The following CFAP299 variants were observed in gnomAD, a reference collection of about 807,000 sequenced individuals.
The protein encoded by CFAP299 is cilia- and flagella-associated protein 299.
In CFAP299, 21 loss-of-function variants were observed where a neutral mutation model predicts 27.0. The ratio of observed to expected loss-of-function variants is 0.78; its 90% CI spans 0.55 to 1.12. The LOEUF (loss-of-function observed/expected upper bound fraction) is 1.12. Among genes scored for constraint, CFAP299 ranks in the 50% most tolerant of loss-of-function variants. The pLI is 0.00. For missense variants in CFAP299, 310 were observed against 276.6 expected (o/e 1.12, Z -0.86); for synonymous variants, 104 against 98.1 (o/e 1.06, Z -0.36).
At chr4:80,771,796 A>C (rs1272944871) in intron 3 of CFAP299, among the ~76,000 whole-genome samples, 1 of 152,198 alleles carries the variant, frequency 6.6e-6, no homozygotes, top group Non-Finnish European at 1.5e-5. Context: ...AGGCATGGTC[A>C]TTTAAATTAA....
intron 3 of CFAP299, among the ~76,000 whole-genome samples, chr4:80,599,680 G>T (rs1156787315): frequency 6.6e-6 from 1 of 151,980 alleles, no homozygotes; most frequent in Non-Finnish European, 1.5e-5. Context: ...CCTCATGATT[G>T]CATTGTTACA....
In CFAP299 at chr4:80,600,971, G is replaced by C. The variant is rs376363412; in HGVS notation, c.333+17788G>C. ...GATTATAGAATGATTTAAATGAGAT[G>C]GAGTAAGTGATGTGCTTCATATGGT... On this transcript the variant is annotated intron_variant, in intron 3 of 5. Transcript: ENST00000358105. Among the ~76,000 whole-genome samples, 29 of 152,232 alleles carry C rather than the reference G, an allele frequency of 1.9e-4. No individual in the cohort carries two copies. In the South Asian group the frequency reaches 6.0e-3, roughly 32 times the overall value.
chr4:80,697,921 CA>C (rs1301876829), intron 3 of CFAP299, among the ~76,000 whole-genome samples: 1 of 151,982 alleles, frequency 6.6e-6, no homozygotes, highest in Non-Finnish European at 1.5e-5. Flanking sequence ...ATATTATGAA[CA>C]AAATAAGTTA....
At chr4:80,917,438 T>C (rs1371513400) in intron 4 of CFAP299, among the ~76,000 whole-genome samples, 1 of 152,156 alleles carries the variant, frequency 6.6e-6, no homozygotes, top group Admixed American at 6.6e-5. Context: ...TGCCTTTTGG[T>C]TTCTAGATTT....
chr4:80,581,852 C>T (rs1302383666), intron 2 of CFAP299, among the ~76,000 whole-genome samples: 1 of 151,788 alleles, frequency 6.6e-6, no homozygotes, highest in African/African-American at 2.4e-5. Context: ...ATCTTGCTTC[C>T]TTGCATTAGA....
intron 1 of CFAP299, among the ~76,000 whole-genome samples, chr4:80,354,463 CT>C (rs1157002508): frequency 6.6e-6 from 1 of 152,024 alleles, no homozygotes; most frequent in African/African-American, 2.4e-5. Context: ...TTTCAATGAC[CT>C]TTATTTGAAC....
chr4:80,775,553 A>G (rs1278148565), intron 3 of CFAP299, among the ~76,000 whole-genome samples: 1 of 151,926 alleles, frequency 6.6e-6, no homozygotes, highest in Non-Finnish European at 1.5e-5. Context: ...ATGAGAACAC[A>G]CTCTTCAGGT....
At chr4:80,667,239 G>A (rs1263542418) in intron 3 of CFAP299, among the ~76,000 whole-genome samples, 1 of 151,868 alleles carries the variant, frequency 6.6e-6, no homozygotes, top group East Asian at 1.9e-4. Flanking sequence ...ATATTCTCGG[G>A]TATTTGTGAT....
At chr4:80,940,461 G>T (rs1737137185) in intron 4 of CFAP299, among the ~76,000 whole-genome samples, 1 of 152,142 alleles carries the variant, frequency 6.6e-6, no homozygotes, top group Non-Finnish European at 1.5e-5. Flanking sequence ...TGGGTAAAGT[G>T]TAACTGTTCT....
intron 2 of CFAP299, among the ~76,000 whole-genome samples, chr4:80,396,692 T>A (rs1212894572): frequency 6.6e-6 from 1 of 152,150 alleles, no homozygotes; most frequent in Admixed American, 6.6e-5. Context: ...TATTGATTTG[T>A]GTATGTTGAA....
intron 2 of CFAP299, among the ~76,000 whole-genome samples, chr4:80,371,982 T>C (rs1001480259): frequency 6.6e-6 from 1 of 152,198 alleles, no homozygotes; most frequent in Non-Finnish European, 1.5e-5. Flanking sequence ...CCATTTTCTG[T>C]ATCAGTCCAT....
intron 2 of CFAP299, among the ~76,000 whole-genome samples, chr4:80,458,670 G>T (rs367552887): frequency 2.0e-5 from 3 of 152,166 alleles, no homozygotes; most frequent in Non-Finnish European, 4.4e-5. Flanking sequence ...TAACTTTCCA[G>T]GTTTAGAATA....
chr4:80,847,384 C>G (rs1731244524), intron 3 of CFAP299, among the ~76,000 whole-genome samples: 1 of 152,204 alleles, frequency 6.6e-6, no homozygotes, highest in African/African-American at 2.4e-5. Context: ...TACCCACATA[C>G]AACTCTTCCT....
intron 3 of CFAP299, among the ~76,000 whole-genome samples, chr4:80,699,788 TTTCCTG>T (rs1226463097): frequency 6.6e-6 from 1 of 152,148 alleles, no homozygotes; most frequent in Non-Finnish European, 1.5e-5. Context: ...GAATCACTGT[TTTCCTG>T]CAACATTATA....
intron 2 of CFAP299, among the ~76,000 whole-genome samples, chr4:80,415,387 A>G (rs1019545371): frequency 2.0e-5 from 3 of 152,206 alleles, no homozygotes; most frequent in African/African-American, 7.2e-5. Flanking sequence ...CATAAAATTC[A>G]TTGCTTCTTG....
chr4:80,345,595 G>C (rs1722687608), intron 1 of CFAP299, among the ~76,000 whole-genome samples: 1 of 152,078 alleles, frequency 6.6e-6, no homozygotes, highest in East Asian at 1.9e-4. Flanking sequence ...CCCTACAAAG[G>C]ACATGAATGC....
At chr4:80,852,633 C>G (rs911794975) in intron 3 of CFAP299, among the ~76,000 whole-genome samples, 1 of 152,078 alleles carries the variant, frequency 6.6e-6, no homozygotes, top group African/African-American at 2.4e-5. Flanking sequence ...AAGAAAGAAC[C>G]AACTTCCTTT....
chr4:80,652,267 G>A (rs1002136510), intron 3 of CFAP299, among the ~76,000 whole-genome samples: 4 of 152,056 alleles, frequency 2.6e-5, no homozygotes, highest in African/African-American at 9.7e-5. Flanking sequence ...TGGAGTCGCT[G>A]CATGAGGTAA....
At chr4:80,927,645 T>C (rs1371045357) in intron 4 of CFAP299, among the ~76,000 whole-genome samples, 1 of 152,118 alleles carries the variant, frequency 6.6e-6, no homozygotes, top group Non-Finnish European at 1.5e-5. Context: ...TTTAGATTCT[T>C]GGCAAAATCT....
Sources: allele counts gnomAD v4.1 joint callset (sites outside exome capture counted in the v4.1 genomes callset), GRCh38; gene constraint gnomAD v4.1.1; transcripts MANE v1.5; gene names NCBI Gene and HGNC (gene_info 2026-07-23, HGNC 2026-07-21).